KALRN: variants seen among roughly 807,000 people sequenced by gnomAD.
The protein encoded by KALRN is kalirin RhoGEF kinase.
KALRN carries 70 observed loss-of-function variants against 353.7 expected under a neutral mutation model. That is an observed-to-expected ratio of 0.20 (90% CI 0.16 to 0.24). The LOEUF is 0.24. Ranked by LOEUF, KALRN falls within the 10% of genes least tolerant of loss-of-function variation. The probability of loss-of-function intolerance (pLI) is 1.00; values close to 1 mark genes in which losing one functional copy is unlikely to be tolerated. For synonymous variants in KALRN, 1,391 were observed against 1,434.8 expected, an observed-to-expected ratio of 0.97 and a Z score of 0.69; for missense variants, 2,791 against 3,756.7, an observed-to-expected ratio of 0.74 and a Z score of 6.72.
In KALRN at chr3:124,496,421, A is replaced by T; in HGVS notation, c.4935+8A>T. On this transcript the variant is annotated splice_region_variant and intron_variant, in intron 33 of 59. Transcript: ENST00000682506. ...ACAGTGGACAGTGACAAGGTAGGAC[A>T]GAGTCCTAACCTTCCTTCCCCTGAG... 1 of 1,591,792 alleles carries T rather than the reference A, an allele frequency of 6.3e-7. No individual in the cohort carries two copies.
At chr3:124,484,100 CAT>C (rs900851715) in intron 28 of KALRN, among the ~76,000 whole-genome samples, 2 of 152,188 alleles carry the variant, frequency 1.3e-5, no homozygotes, top group African/African-American at 4.8e-5. Context: ...TAATTCAGCT[CAT>C]GTTTAGAGAT....
At chr3:124,222,114 A>G (rs1379412327) in intron 1 of KALRN, among the ~76,000 whole-genome samples, 2 of 152,206 alleles carry the variant, frequency 1.3e-5, no homozygotes, top group African/African-American at 4.8e-5. Context: ...TATTTATGCT[A>G]CCGAAAGTAG....
At chr3:124,618,308 A>G (rs1325820043) in intron 34 of KALRN, among the ~76,000 whole-genome samples, 1 of 148,544 alleles carries the variant, frequency 6.7e-6, no homozygotes. Flanking sequence ...GTAGAGACGG[A>G]GTTTCACCAT....
chr3:124,420,257 CTT>C (rs1292197821), intron 14 of KALRN, among the ~76,000 whole-genome samples: 3 of 152,210 alleles, frequency 2.0e-5, no homozygotes, highest in Non-Finnish European at 4.4e-5. Flanking sequence ...TGACTGTCCT[CTT>C]TGATAAGTAA....
chr3:124,409,544 C>A (rs1160965286), intron 13 of KALRN, among the ~76,000 whole-genome samples: 1 of 152,142 alleles, frequency 6.6e-6, no homozygotes, highest in African/African-American at 2.4e-5. Flanking sequence ...CGTTTCAGGG[C>A]TATTAGGCTA....
intron 41 of KALRN, 104 bp from the exon 42 acceptor site, chr3:124,658,327 T>G: frequency 1.2e-6 from 1 of 833,232 alleles, no homozygotes; most frequent in Non-Finnish European, 2.1e-6. Flanking sequence ...CGTCCCCAAG[T>G]GCGCCTTTGT....
chr3:124,113,647 C>T (rs2063198230), intron 1 of KALRN, among the ~76,000 whole-genome samples: 1 of 152,122 alleles, frequency 6.6e-6, no homozygotes, highest in African/African-American at 2.4e-5. Flanking sequence ...CTTTTAAGGC[C>T]CCGCCTCCTC....
intron 3 of KALRN, among the ~76,000 whole-genome samples, chr3:124,242,721 C>G (rs1212288142): frequency 1.3e-5 from 2 of 152,094 alleles, no homozygotes; most frequent in African/African-American, 2.4e-5. Context: ...TGGTAATTAC[C>G]TCAGTTTTGG....
At chr3:124,325,235 G>T (rs889574057) in intron 6 of KALRN, among the ~76,000 whole-genome samples, 1 of 152,162 alleles carries the variant, frequency 6.6e-6, no homozygotes, top group Non-Finnish European at 1.5e-5. Flanking sequence ...GATCAAGAGA[G>T]CCCCTCCTTG....
At chr3:124,494,415 T>G (rs576732826) in intron 32 of KALRN, among the ~76,000 whole-genome samples, 2 of 152,312 alleles carry the variant, frequency 1.3e-5, no homozygotes, top group South Asian at 2.1e-4. Context: ...TGGGCCAGAA[T>G]AGCGGGAAGC....
At chr3:124,251,040 T>C (rs1394118824) in intron 3 of KALRN, among the ~76,000 whole-genome samples, 1 of 152,216 alleles carries the variant, frequency 6.6e-6, no homozygotes, top group East Asian at 1.9e-4. Context: ...TTCTCTTGGC[T>C]AAGAGTAGCT....
chr3:124,125,565 G>A (rs1035591137), intron 1 of KALRN, among the ~76,000 whole-genome samples: 1 of 152,196 alleles, frequency 6.6e-6, no homozygotes, highest in African/African-American at 2.4e-5. Context: ...GCCTGGCAGT[G>A]CAGGCAGTCA....
At chr3:124,095,834 G>A (rs1294110257) in intron 1 of KALRN, 1 of 152,108 alleles carries the variant, frequency 6.6e-6, no homozygotes, top group African/African-American at 2.4e-5. Flanking sequence ...TCAAACTCCT[G>A]ATGGAAAAGA....
intron 1 of KALRN, among the ~76,000 whole-genome samples, chr3:124,181,964 C>T (rs1013560736): frequency 2.0e-5 from 3 of 152,136 alleles, no homozygotes; most frequent in Admixed American, 2.0e-4. Context: ...TTGGATATTT[C>T]CATGTTAGTG....
In KALRN at chr3:124,146,184, A is replaced by G. The variant is rs116308857; in HGVS notation, c.74-81806A>G. 7.0e-3 allele frequency among the ~76,000 whole-genome samples: 1,071 copies of G among 152,286 alleles called. 19 individuals are homozygous for G. Among genetic ancestry groups the G allele is most frequent in the African/African-American group, 0.025 (1,026 of 41,566 alleles). ...GAAAGTAAGGTTCCTACAGGCTTGG[A>G]GAAGGGAGGTAATGGAGAAGTGCTC... On this transcript the variant is annotated intron_variant, in intron 1 of 59. Coordinates refer to ENST00000682506, the MANE Select transcript of KALRN (RefSeq NM_001388419.1).
At chr3:124,700,163 A>C (rs542016003) in intron 56 of KALRN, 130 bp downstream of exon 56, 2 of 853,094 alleles carry the variant, frequency 2.3e-6, no homozygotes, top group South Asian at 3.3e-5. Context: ...ACTAAGAAGA[A>C]TGTTTCTGTA....
intron 37 of KALRN, among the ~76,000 whole-genome samples, chr3:124,643,655 A>G (rs1307175539): frequency 6.6e-6 from 1 of 151,660 alleles, no homozygotes. Flanking sequence ...CTGATTTTTA[A>G]ATTTTTCTAT....
intron 1 of KALRN, among the ~76,000 whole-genome samples, chr3:124,088,580 A>G (rs1009587199): frequency 2.0e-5 from 3 of 152,194 alleles, no homozygotes; most frequent in Non-Finnish European, 2.9e-5. Flanking sequence ...TCCACTATGT[A>G]TTAAGTGTAG....
chr3:124,070,701 A>T (rs2059976412), intron 1 of KALRN, among the ~76,000 whole-genome samples: 1 of 152,226 alleles, frequency 6.6e-6, no homozygotes, highest in Non-Finnish European at 1.5e-5. Flanking sequence ...AGTGTTGTTT[A>T]TAAAATAGCG....
Sources: allele counts gnomAD v4.1 joint callset (sites outside exome capture counted in the v4.1 genomes callset), GRCh38; gene constraint gnomAD v4.1.1; transcripts MANE v1.5; gene names NCBI Gene and HGNC (gene_info 2026-07-23, HGNC 2026-07-21).